RAVER2: variants seen among roughly 807,000 people sequenced by gnomAD.
RAVER2 encodes the protein ribonucleoprotein PTB-binding 2.
In RAVER2, 46 loss-of-function variants were observed where a neutral mutation model predicts 78.1. The ratio of observed to expected loss-of-function variants is 0.59; its 90% CI spans 0.46 to 0.75. The LOEUF is 0.75. Among genes scored for constraint, RAVER2 ranks in the 30% least tolerant of loss-of-function variants. RAVER2 has a pLI of 0.00. For missense variants in RAVER2, 793 were observed against 837.5 expected (o/e 0.95, Z 0.66); for synonymous variants, 311 against 313.3 (o/e 0.99, Z 0.08).
At chr1:64,817,358 A>T (rs1203340698) in intron 11 of RAVER2, among the ~76,000 whole-genome samples, 2 of 152,204 alleles carry the variant, frequency 1.3e-5, no homozygotes, top group South Asian at 2.1e-4. Context: ...TTCCTCAAGG[A>T]TCTAGAACTA....
At chr1:64,759,458 A>G (rs1332845701) in intron 1 of RAVER2, among the ~76,000 whole-genome samples, 2 of 150,480 alleles carry the variant, frequency 1.3e-5, no homozygotes, top group Non-Finnish European at 2.9e-5. Context: ...TGCCCTTGTG[A>G]TCCGCCCGCC....
At chr1:64,761,107 G>C (rs1331684490) in intron 1 of RAVER2, among the ~76,000 whole-genome samples, 1 of 152,184 alleles carries the variant, frequency 6.6e-6, no homozygotes, top group Non-Finnish European at 1.5e-5. Context: ...CTGGGATAAA[G>C]TAAATAATCA....
At chr1:64,813,988 G>T (rs1309531042) in intron 10 of RAVER2, among the ~76,000 whole-genome samples, 2 of 151,828 alleles carry the variant, frequency 1.3e-5, no homozygotes, top group Non-Finnish European at 2.9e-5. Flanking sequence ...GCTGTGGTGT[G>T]ATCTTGGCTA....
chr1:64,763,955 C>CACACACACACACACACACACACACA (rs3223239), intron 1 of RAVER2, among the ~76,000 whole-genome samples: 1 of 149,632 alleles, frequency 6.7e-6, no homozygotes, highest in East Asian at 2.0e-4. Context: ...CACACACACA[C>CACACACACACACACACACACACACA]CCCTACCATG....
chr1:64,825,968 G>A (rs555153331), intron 11 of RAVER2, among the ~76,000 whole-genome samples: 1 of 152,368 alleles, frequency 6.6e-6, no homozygotes, highest in Non-Finnish European at 1.5e-5. Flanking sequence ...TAACGAGAGG[G>A]CAGGTGCCCA....
chr1:64,763,619 C>T (rs893539294), intron 1 of RAVER2, among the ~76,000 whole-genome samples: 5 of 151,432 alleles, frequency 3.3e-5, no homozygotes, highest in Admixed American at 2.0e-4. Context: ...AAACATATAC[C>T]AGCCGGACAT....
At chr1:64,777,814 A>G in exon 3 of RAVER2, 1 of 1,614,086 alleles carries the variant, frequency 6.2e-7, no homozygotes. Context: ...AAATATTGAG[A>G]GATGTTTTCT....
chr1:64,777,927 G>T lies in RAVER2; in HGVS notation c.621G>T (p.Gln207His), dbSNP rs1012136454. 1.2e-5 allele frequency: 20 copies of T among 1,614,012 alleles called. No homozygotes were observed. The Admixed American group carries it at 2.8e-4, about 23-fold the overall frequency. Residue 207 changes from glutamine to histidine, a missense_variant, in exon 3 of 12, where the codon CAG (glutamine) becomes CAT (histidine). Coordinates refer to ENST00000294428, the Ensembl canonical transcript of RAVER2. ...CTAGACTGGAGCTATTGGGTAGACA[G>T]TTGGGAGCATCAGCACTCTTTGCAC...
intron 11 of RAVER2, among the ~76,000 whole-genome samples, chr1:64,824,109 A>T (rs1390995100): frequency 6.6e-6 from 1 of 152,122 alleles, no homozygotes; most frequent in African/African-American, 2.4e-5. Flanking sequence ...GCCCGGCCTG[A>T]TTTTTGTTTT....
chr1:64,759,366 G>C (rs1350004311), intron 1 of RAVER2, among the ~76,000 whole-genome samples: 1 of 150,152 alleles, frequency 6.7e-6, no homozygotes, highest in Non-Finnish European at 1.5e-5. Flanking sequence ...ACTACAAGGC[G>C]CCCGCCACCA....
intron 2 of RAVER2, among the ~76,000 whole-genome samples, chr1:64,772,647 G>A (rs1334018204): frequency 2.0e-5 from 3 of 152,214 alleles, no homozygotes; most frequent in African/African-American, 4.8e-5. Context: ...GTAATGCATG[G>A]ACGAATTTGA....
chr1:64,751,385 A>G (rs1651693357), intron 1 of RAVER2, among the ~76,000 whole-genome samples: 1 of 152,184 alleles, frequency 6.6e-6, no homozygotes, highest in Non-Finnish European at 1.5e-5. Flanking sequence ...ATCTTATGGC[A>G]AAAGCTCAGG....
intron 1 of RAVER2, among the ~76,000 whole-genome samples, chr1:64,760,607 G>T (rs1651993129): frequency 6.6e-6 from 1 of 152,080 alleles, no homozygotes; most frequent in Non-Finnish European, 1.5e-5. Context: ...GGCACATTTA[G>T]CATTACTAGA....
intron 6 of RAVER2, among the ~76,000 whole-genome samples, 156 bp from the exon 7 acceptor site, chr1:64,804,578 A>G (rs1218637300): frequency 6.6e-6 from 1 of 152,206 alleles, no homozygotes; most frequent in Non-Finnish European, 1.5e-5. Context: ...TATTAAAATA[A>G]TTAATTAGCT....
At chr1:64,768,565 T>G in intron 1 of RAVER2, 91 bp from the exon 2 acceptor site, 1 of 765,038 alleles carries the variant, frequency 1.3e-6, no homozygotes, top group Non-Finnish European at 2.3e-6. Context: ...ATGGTGGTGG[T>G]AATGGTGGTG....
chr1:64,801,624 C>G (rs1653269731), intron 5 of RAVER2, among the ~76,000 whole-genome samples: 1 of 150,306 alleles, frequency 6.7e-6, no homozygotes, highest in Admixed American at 6.6e-5. Context: ...AATCCTAGCA[C>G]TTTGGGAGGC....
chr1:64,747,394 A>G (rs1228830792), intron 1 of RAVER2, among the ~76,000 whole-genome samples: 1 of 152,140 alleles, frequency 6.6e-6, no homozygotes, highest in Admixed American at 6.5e-5. Flanking sequence ...CTACATATTT[A>G]CCCTTATGAA....
At chr1:64,786,923 G>A (rs1652797373) in intron 4 of RAVER2, among the ~76,000 whole-genome samples, 1 of 152,142 alleles carries the variant, frequency 6.6e-6, no homozygotes, top group Non-Finnish European at 1.5e-5. Flanking sequence ...TCTATAGAAT[G>A]GAGATAATAC....
At chr1:64,785,973 A>G (rs918377948) in intron 4 of RAVER2, among the ~76,000 whole-genome samples, 2 of 152,194 alleles carry the variant, frequency 1.3e-5, no homozygotes, top group African/African-American at 4.8e-5. Context: ...TTCTTGTGGT[A>G]AAAACTTTTG....
Sources: allele counts gnomAD v4.1 joint callset (sites outside exome capture counted in the v4.1 genomes callset), GRCh38; gene constraint gnomAD v4.1.1; transcripts MANE v1.5; gene names NCBI Gene and HGNC (gene_info 2026-07-23, HGNC 2026-07-21).